GPBP1: variants seen among roughly 807,000 people sequenced by gnomAD.
GPBP1 encodes vasculin.
GPBP1 carries 13 observed loss-of-function variants against 56.5 expected under a neutral mutation model. The ratio of observed to expected loss-of-function variants is 0.23; its 90% CI spans 0.15 to 0.37. The LOEUF is 0.37. Ranked by LOEUF, GPBP1 falls within the 10% of genes least tolerant of loss-of-function variation. GPBP1 has a pLI of 1.00. For synonymous variants in GPBP1, 204 were observed against 188.9 expected, an observed-to-expected ratio of 1.08 and a Z score of -0.66; for missense variants, 477 against 572.3, an observed-to-expected ratio of 0.83 and a Z score of 1.70.
At chr5:57,240,258 A>C (rs1238168118) in intron 6 of GPBP1, among the ~76,000 whole-genome samples, 1 of 152,170 alleles carries the variant, frequency 6.6e-6, no homozygotes, top group Non-Finnish European at 1.5e-5. Flanking sequence ...CTCCAAAGAA[A>C]GAAATGAAAA....
At chr5:57,181,144 A>G (rs1020019490) in intron 2 of GPBP1, among the ~76,000 whole-genome samples, 3 of 152,328 alleles carry the variant, frequency 2.0e-5, no homozygotes, top group East Asian at 1.9e-4. Flanking sequence ...GACTAGCCTG[A>G]GAAACATAAC....
At chr5:57,244,936 C>T (rs892380683) in intron 6 of GPBP1, among the ~76,000 whole-genome samples, 1 of 152,024 alleles carries the variant, frequency 6.6e-6, no homozygotes, top group Non-Finnish European at 1.5e-5. Flanking sequence ...CGGGGTTTCA[C>T]CATGTTGGCC....
chr5:57,223,954 C>T (rs1378244750), intron 3 of GPBP1, among the ~76,000 whole-genome samples: 1 of 151,704 alleles, frequency 6.6e-6, no homozygotes, highest in Non-Finnish European at 1.5e-5. Flanking sequence ...CTGCCTCAGC[C>T]TCCCGAGTAG....
At chr5:57,229,433 TC>T (rs1162854577) in intron 3 of GPBP1, among the ~76,000 whole-genome samples, 12 of 152,110 alleles carry the variant, frequency 7.9e-5, no homozygotes, top group Non-Finnish European at 1.0e-4. Flanking sequence ...GCTCATGTTT[TC>T]CCCATTAGGT....
intron 10 of GPBP1, among the ~76,000 whole-genome samples, chr5:57,260,715 C>T (rs1741860868): frequency 6.6e-6 from 1 of 152,018 alleles, no homozygotes; most frequent in Non-Finnish European, 1.5e-5. Flanking sequence ...CCTTTCATAT[C>T]AATACAAGAT....
chr5:57,210,272 G>A (rs945780324), intron 2 of GPBP1, among the ~76,000 whole-genome samples: 6 of 151,932 alleles, frequency 3.9e-5, no homozygotes, highest in Non-Finnish European at 7.4e-5. Flanking sequence ...GCTTTCTCCC[G>A]GGGAAATTTT....
At chr5:57,232,779 T>C (rs1756514044) in intron 5 of GPBP1, among the ~76,000 whole-genome samples, 2 of 152,200 alleles carry the variant, frequency 1.3e-5, no homozygotes, top group Non-Finnish European at 2.9e-5. Flanking sequence ...GTGTCCTTTC[T>C]GCAGAAAGTA....
At chr5:57,252,979 G>C (rs1741465403) in intron 10 of GPBP1, among the ~76,000 whole-genome samples, 1 of 152,180 alleles carries the variant, frequency 6.6e-6, no homozygotes, top group Admixed American at 6.5e-5. Context: ...AAAGTGCTAG[G>C]ATTACAGGTG....
chr5:57,220,911 A>C (rs1335765484), intron 3 of GPBP1, among the ~76,000 whole-genome samples: 3 of 100,666 alleles, frequency 3.0e-5, no homozygotes, highest in Non-Finnish European at 4.3e-5. Context: ...TTTGTAATTA[A>C]CCTCTTGTTT....
intron 2 of GPBP1, among the ~76,000 whole-genome samples, chr5:57,203,162 T>A (rs1049777610): frequency 6.6e-6 from 1 of 152,226 alleles, no homozygotes; most frequent in Admixed American, 6.5e-5. Context: ...TAAAAACATT[T>A]GTTTTCAGAA....
At chr5:57,260,319 T>G (rs1234374263) in intron 10 of GPBP1, among the ~76,000 whole-genome samples, 3 of 152,222 alleles carry the variant, frequency 2.0e-5, no homozygotes, top group Non-Finnish European at 4.4e-5. Context: ...TCACCTCATC[T>G]TTTCTTAAAA....
intron 2 of GPBP1, among the ~76,000 whole-genome samples, chr5:57,182,254 T>G (rs1014954446): frequency 1.3e-5 from 2 of 151,918 alleles, no homozygotes; most frequent in African/African-American, 4.8e-5. Context: ...TGGCTAAGTT[T>G]TGTATTTTTA....
chr5:57,206,377 T>G (rs1445203269), intron 2 of GPBP1, among the ~76,000 whole-genome samples: 4 of 152,092 alleles, frequency 2.6e-5, no homozygotes, highest in Non-Finnish European at 4.4e-5. Context: ...TATATTTAGG[T>G]CTGTGATTTA....
chr5:57,257,289 C>T (rs1434475966), intron 10 of GPBP1, among the ~76,000 whole-genome samples: 1 of 152,232 alleles, frequency 6.6e-6, no homozygotes, highest in East Asian at 1.9e-4. Context: ...ACCGCCTTGG[C>T]CTCCCAAAGT....
intron 3 of GPBP1, among the ~76,000 whole-genome samples, chr5:57,226,532 C>T (rs994288450): frequency 2.0e-5 from 3 of 148,880 alleles, no homozygotes; most frequent in Admixed American, 1.3e-4. Flanking sequence ...GGCAATTCAT[C>T]CTGGGCTCTG....
At chr5:57,205,955 T>G (rs1008987334) in intron 2 of GPBP1, among the ~76,000 whole-genome samples, 4 of 152,040 alleles carry the variant, frequency 2.6e-5, no homozygotes, top group Non-Finnish European at 5.9e-5. Context: ...TTTGTAGAGA[T>G]AGGGACTCAC....
intron 10 of GPBP1, among the ~76,000 whole-genome samples, chr5:57,254,420 C>G (rs551857781): frequency 6.6e-6 from 1 of 152,016 alleles, no homozygotes; most frequent in Non-Finnish European, 1.5e-5. Context: ...GTAGGCTGGG[C>G]GTTGTGGCTC....
At chr5:57,215,683 A>T (rs1197024492) in intron 3 of GPBP1, among the ~76,000 whole-genome samples, 1 of 152,228 alleles carries the variant, frequency 6.6e-6, no homozygotes, top group Non-Finnish European at 1.5e-5. Flanking sequence ...TCTTACTACC[A>T]GTATCTCCAT....
intron 2 of GPBP1, among the ~76,000 whole-genome samples, chr5:57,183,637 C>A (rs1044708111): frequency 3.5e-4 from 53 of 151,880 alleles, no homozygotes; most frequent in African/African-American, 1.2e-3. Flanking sequence ...ACAAGAACCG[C>A]CCCCCCATCT....
Sources: allele counts gnomAD v4.1 joint callset (sites outside exome capture counted in the v4.1 genomes callset), GRCh38; gene constraint gnomAD v4.1.1; transcripts MANE v1.5; gene names NCBI Gene and HGNC (gene_info 2026-07-23, HGNC 2026-07-21).